The following GARRE1 variants were observed in gnomAD, a reference collection of about 807,000 sequenced individuals.
GARRE1 encodes granule associated Rac and RHOG effector protein 1.
In GARRE1, 49 loss-of-function variants were observed where a neutral mutation model predicts 103.2. The ratio of observed to expected loss-of-function variants is 0.47; its 90% CI spans 0.38 to 0.60. The LOEUF (loss-of-function observed/expected upper bound fraction) is 0.60, where lower values mean the gene tolerates loss of function less well. Among genes scored for constraint, GARRE1 ranks in the 20% least tolerant of loss-of-function variants. The pLI, the probability that GARRE1 is intolerant of heterozygous loss-of-function variation, is 0.00. For synonymous variants in GARRE1, 505 were observed against 532.8 expected (o/e 0.95, Z 0.72); for missense variants, 1,199 against 1,370.5 (o/e 0.87, Z 1.98).
chr19:34,298,839 C>CAAAG (rs1305972234), intron 1 of GARRE1, among the ~76,000 whole-genome samples: 1 of 152,192 alleles, frequency 6.6e-6, no homozygotes, highest in Non-Finnish European at 1.5e-5. Context: ...TGAGAAGAGT[C>CAAAG]ACAGTATTCC....
chr19:34,320,049 G>T lies in GARRE1; in HGVS notation c.638G>T (p.Gly213Val), dbSNP rs981852962. 3 of 1,614,150 alleles carry T rather than the reference G, an allele frequency of 1.9e-6. No individual in the cohort carries two copies. The highest frequency in any genetic ancestry group is 2.5e-6 in the Non-Finnish European group (3 of 1,180,058). The change falls in exon 3 of 14, where the codon GGC (glycine) becomes GTC (valine). Residue 213 changes from glycine (G) to valine (V), a missense_variant. Gly to Val is a moderately radical substitution (Grantham distance 109). Coordinates refer to ENST00000299505, the MANE Select transcript of GARRE1 (RefSeq NM_014686.5). ...AAAAAGAACAGCGGCAGTGGCGGCG[G>T]CTTATCTGGCATGGGCCACACACCT... ...PEKKNSGSGG[G>V]LSGMGHTPEV... is the part of the protein sequence containing the mutation.
In GARRE1 at chr19:34,302,009, T is replaced by A. The variant is rs796617371; in HGVS notation, c.495+1041T>A. On this transcript the variant is annotated intron_variant, in intron 2 of 13. Coordinates refer to ENST00000299505, the MANE Select transcript of GARRE1 (RefSeq NM_014686.5). Reference sequence around the variant, plus strand: ...TTTTTTTTTTTTTTTTTTTTTTTTTTAAGTCAGTTTCGCTCTTGTTGCCCA... The same window carrying A: ...TTTTTTTTTTTTTTTTTTTTTTTTTAAAGTCAGTTTCGCTCTTGTTGCCCA... Among the ~76,000 whole-genome samples, 103 of 108,912 alleles carry A rather than the reference T, an allele frequency of 9.5e-4. 1 individual carries two copies. The South Asian group carries it at 0.013, about 14-fold the overall frequency. The allele number at this position is 108,912 out of a possible 152,430, so 71.5% of individuals were successfully genotyped here.
At chr19:34,287,245 G>T (rs2073893025) in intron 1 of GARRE1, among the ~76,000 whole-genome samples, 1 of 152,172 alleles carries the variant, frequency 6.6e-6, no homozygotes, top group South Asian at 2.1e-4. Context: ...TCCAGGAAGG[G>T]TGCTATCCTG....
At position 34,347,744 on chromosome 19, in the gene GARRE1, G is replaced by A. The variant is rs972291824; in HGVS notation, c.2522-133G>A. The A allele has an allele frequency of 1.5e-5, 13 of 844,342 alleles. 1 individual carries two copies. In the South Asian group the frequency reaches 1.7e-4, roughly 11 times the overall value. The allele number at this position is 844,342 out of a possible 1,614,324, so 52.3% of individuals were successfully genotyped here. On this transcript the variant is annotated intron_variant, in intron 10 of 13. Coordinates refer to ENST00000299505, the MANE Select transcript of GARRE1 (RefSeq NM_014686.5). ...GTGCTGGGCACAGCCTACAGCCCAC[G>A]CTGTGGGGCACAAGCCTGGCAGCTC...
At chr19:34,296,566 T>G in intron 1 of GARRE1, 1 of 1,592,684 alleles carries the variant, frequency 6.3e-7, no homozygotes, top group South Asian at 1.1e-5. Context: ...TTGGCATTGT[T>G]GGCCTGCATC....
At chr19:34,268,377 T>C (rs2073765506) in intron 1 of GARRE1, among the ~76,000 whole-genome samples, 1 of 152,220 alleles carries the variant, frequency 6.6e-6, no homozygotes, top group African/African-American at 2.4e-5. Flanking sequence ...CCTTTTTTCG[T>C]TGTTTCTTCT....
At chr19:34,320,977 C>G (rs913741111) in intron 3 of GARRE1, among the ~76,000 whole-genome samples, 8 of 144,494 alleles carry the variant, frequency 5.5e-5, no homozygotes, top group Non-Finnish European at 1.1e-4. Context: ...CTACTGGGCT[C>G]AAGCGATCCA....
At chr19:34,288,179 C>A (rs2073897690) in intron 1 of GARRE1, among the ~76,000 whole-genome samples, 1 of 152,086 alleles carries the variant, frequency 6.6e-6, no homozygotes, top group African/African-American at 2.4e-5. Context: ...CTGGTGCTTC[C>A]AGCTGTATGT....
chr19:34,277,154 T>C (rs1207931783), intron 1 of GARRE1, among the ~76,000 whole-genome samples: 1 of 152,060 alleles, frequency 6.6e-6, no homozygotes, highest in East Asian at 1.9e-4. Flanking sequence ...ATAAATGGTG[T>C]GACTGCAGAA....
chr19:34,270,141 C>A (rs531834473), intron 1 of GARRE1, among the ~76,000 whole-genome samples: 6 of 152,176 alleles, frequency 3.9e-5, no homozygotes, highest in Non-Finnish European at 8.8e-5. Flanking sequence ...CTATTTTTAC[C>A]GCAGTTGCAC....
intron 12 of GARRE1, 41 bp from the exon 13 acceptor site, chr19:34,351,473 G>A: frequency 1.3e-6 from 2 of 1,489,968 alleles, no homozygotes; most frequent in African/African-American, 1.4e-5. Flanking sequence ...GGCTGGGCAG[G>A]AAGCCAAGCA....
intron 11 of GARRE1, chr19:34,348,352 C>T (rs751599965): frequency 5.2e-4 from 127 of 246,244 alleles, no homozygotes; most frequent in Middle Eastern, 2.3e-3. Flanking sequence ...GCATGTTTCA[C>T]ACGGCCTTTA....
rs941928072 is a variant in GARRE1 at position 34,348,763 on chromosome 19, C to T, written c.2688-253C>T. On this transcript the variant is annotated intron_variant, in intron 11 of 13. Transcript: ENST00000299505. ...ATTAGCTATTCTTCCCCATGCTCTC[C>T]CTCCCTTGCTTTTTCTAAAACAAAT... 3 of 465,580 alleles carry T rather than the reference C, an allele frequency of 6.4e-6. No homozygotes were observed. The Admixed American group carries it at 1.1e-4, about 16-fold the overall frequency. 28.8% of individuals were successfully genotyped at this position (465,580 alleles called of 1,614,324 possible). A position where few individuals can be genotyped will look rare whatever the true frequency, so the allele number is the denominator to read the frequency against.
chr19:34,327,933 G>A (rs943044743), intron 5 of GARRE1, 57 bp from the exon 6 acceptor site: 7 of 1,613,552 alleles, frequency 4.3e-6, no homozygotes, highest in African/African-American at 1.3e-5. Context: ...TGTGAACCAA[G>A]TGTTTTGACA....
chr19:34,298,353 G>A (rs1465384399), intron 1 of GARRE1, among the ~76,000 whole-genome samples: 1 of 151,868 alleles, frequency 6.6e-6, no homozygotes, highest in African/African-American at 2.4e-5. Context: ...GTTCGAGGCT[G>A]TAGTAAGCCA....
Position 34,297,392 on chromosome 19 carries a change from G to A in GARRE1, c.-795-2287G>A, listed in dbSNP as rs1414236906. On this transcript the variant is annotated intron_variant, in intron 1 of 13. Coordinates refer to ENST00000299505, the MANE Select transcript of GARRE1 (RefSeq NM_014686.5). ...AGTTTCATTTAGAGAAAGTTTGGAA[G>A]TATGTAAAGTGAAAAAGAGTTTAAT... 2.6e-5 allele frequency among the ~76,000 whole-genome samples: 4 copies of A among 152,018 alleles called. No individual in the cohort carries two copies. The South Asian group carries it at 6.2e-4, about 24-fold the overall frequency.
At chr19:34,256,699 A>G (rs550120407) in intron 1 of GARRE1, among the ~76,000 whole-genome samples, 1 of 152,256 alleles carries the variant, frequency 6.6e-6, no homozygotes, top group East Asian at 1.9e-4. Context: ...ATTTTAGACT[A>G]AAAGTTCTAA....
At chr19:34,280,666 A>G (rs1445736183) in intron 1 of GARRE1, among the ~76,000 whole-genome samples, 1 of 152,096 alleles carries the variant, frequency 6.6e-6, no homozygotes, top group African/African-American at 2.4e-5. Context: ...TTTCACCCCT[A>G]AATGGTTATT....
At chr19:34,296,713 G>T in intron 1 of GARRE1, 1 of 716,308 alleles carries the variant, frequency 1.4e-6, no homozygotes, top group South Asian at 1.6e-5. Flanking sequence ...GACTGGTTGT[G>T]TGTGGTATGG....
Sources: gnomAD v4.1 joint callset for allele counts (sites outside exome capture counted in the v4.1 genomes callset) on GRCh38, gnomAD v4.1.1 for gene constraint, MANE v1.5 for transcripts, NCBI Gene and HGNC (gene_info 2026-07-23, HGNC 2026-07-21) for gene names.